The following GSE1 variants were observed in gnomAD, a reference collection of about 807,000 sequenced individuals.
The protein encoded by GSE1 is genetic suppressor element 1.
A neutral mutation model predicts 112.6 loss-of-function variants in GSE1; 32 were observed. That is an observed-to-expected ratio of 0.28 (90% CI 0.21 to 0.38). GSE1 has a LOEUF of 0.38. Ranked by LOEUF, GSE1 falls within the 10% of genes least tolerant of loss-of-function variation. The pLI is 1.00. For synonymous variants in GSE1, 1,115 were observed against 735.6 expected (o/e 1.52, Z -8.35); for missense variants, 2,348 against 1,699.2 (o/e 1.38, Z -6.71).
At chr16:85,633,092 C>T (rs1257662618) in intron 1 of GSE1, among the ~76,000 whole-genome samples, 2 of 152,180 alleles carry the variant, frequency 1.3e-5, no homozygotes, top group African/African-American at 4.8e-5. Context: ...CTGAACTTGG[C>T]CCTGGGAGGA....
At chr16:85,446,158 C>T (rs1176618494) in intron 2 of GSE1, among the ~76,000 whole-genome samples, 1 of 152,194 alleles carries the variant, frequency 6.6e-6, no homozygotes, top group Non-Finnish European at 1.5e-5. Flanking sequence ...AGGCAGGGAG[C>T]TGTTTGGCCT....
At chr16:85,558,410 C>A (rs570001298) in intron 1 of GSE1, among the ~76,000 whole-genome samples, 1 of 152,352 alleles carries the variant, frequency 6.6e-6, no homozygotes, top group South Asian at 2.1e-4. Context: ...AATCTACACC[C>A]CTCTTCACCT....
At chr16:85,361,102 C>T (rs902243640) in intron 2 of GSE1, among the ~76,000 whole-genome samples, 3 of 148,790 alleles carry the variant, frequency 2.0e-5, no homozygotes, top group Admixed American at 6.7e-5. Flanking sequence ...CAGACACACA[C>T]GGGCAGAGAC....
chr16:85,654,572 C>T (rs1210528638), intron 4 of GSE1, 122 bp downstream of exon 4: 12 of 894,214 alleles, frequency 1.3e-5, no homozygotes, highest in Admixed American at 7.3e-5. Flanking sequence ...TGGTTGTCGG[C>T]CGCTGAGCCC....
chr16:85,668,224 G>T lies in GSE1; in HGVS notation c.3215G>T (p.Ser1072Ile), dbSNP rs774870840. Residue 1072 changes from serine (S) to isoleucine (I), a missense_variant, in exon 14 of 16, where the codon AGC (serine) becomes ATC (isoleucine). Physicochemically the swap from Ser to Ile is moderately radical, Grantham distance 142. Coordinates refer to ENST00000253458, the MANE Select transcript of GSE1 (RefSeq NM_014615.5). ...AACATTCCTGAGCTGCAGTCCTCCA[G>T]CCGCGCCCCTCCACCCCAGCACAAT... The part of the protein sequence containing the change: ...HYNIPELQSS[S>I]RAPPPQHNGQ... The T allele has an allele frequency of 3.1e-6, 5 of 1,610,950 alleles. No individual in the cohort carries two copies. Among genetic ancestry groups the T allele is most frequent in the African/African-American group, 2.7e-5 (2 of 74,878 alleles).
intron 1 of GSE1, chr16:85,284,973 A>C (rs1016164622): frequency 6.6e-6 from 1 of 152,272 alleles, no homozygotes; most frequent in African/African-American, 2.4e-5. Context: ...GCCGCTTACA[A>C]ATAGCACTGT....
chr16:85,172,771 C>G (rs970090103), intron 1 of GSE1, among the ~76,000 whole-genome samples: 1 of 152,122 alleles, frequency 6.6e-6, no homozygotes, highest in African/African-American at 2.4e-5. Flanking sequence ...CTGTCGTGTT[C>G]AGAAAGGGTC....
chr16:85,204,351 C>G (rs189841077), intron 1 of GSE1, among the ~76,000 whole-genome samples: 1 of 152,244 alleles, frequency 6.6e-6, no homozygotes, highest in Non-Finnish European at 1.5e-5. Flanking sequence ...TATCCATCAT[C>G]AGCCCGTGGG....
chr16:85,354,413 T>C (rs1434640209), intron 1 of GSE1, among the ~76,000 whole-genome samples: 1 of 152,248 alleles, frequency 6.6e-6, no homozygotes, highest in African/African-American at 2.4e-5. Flanking sequence ...TGGCACATAG[T>C]AGGTGCTCAG....
intron 1 of GSE1, among the ~76,000 whole-genome samples, chr16:85,613,955 CGGGAGGGCGGGACCGCAGCCT>C (rs2048185162): frequency 6.6e-6 from 1 of 150,462 alleles, no homozygotes; most frequent in Non-Finnish European, 1.5e-5. Context: ...GGGAGTTGGT[CGGGAGGGCGGGACCGCAGCCT>C]GCCGGGTTTG....
At chr16:85,291,231 C>G (rs1044049936) in intron 1 of GSE1, among the ~76,000 whole-genome samples, 1 of 152,188 alleles carries the variant, frequency 6.6e-6, no homozygotes, top group Non-Finnish European at 1.5e-5. Flanking sequence ...GCTGAGGTCT[C>G]CTGATCACCT....
intron 2 of GSE1, among the ~76,000 whole-genome samples, chr16:85,474,774 C>T (rs769437366): frequency 1.6e-4 from 24 of 151,968 alleles, no homozygotes; most frequent in Non-Finnish European, 3.1e-4. Flanking sequence ...ACTGAGCCTC[C>T]AGGACCCCTG....
intron 2 of GSE1, among the ~76,000 whole-genome samples, chr16:85,377,012 C>T (rs549557183): frequency 6.6e-6 from 1 of 152,376 alleles, no homozygotes; most frequent in Non-Finnish European, 1.5e-5. Context: ...GTGACCCAGG[C>T]CTGCCTCCCA....
chr16:85,513,618 G>A, intron 2 of GSE1, among the ~76,000 whole-genome samples: 1 of 152,144 alleles, frequency 6.6e-6, no homozygotes, highest in Middle Eastern at 3.2e-3. Context: ...GGACTTGGGG[G>A]AATCTGCTGC....
At chr16:85,610,229 G>A (rs2047905652), upstream of GSE1, among the ~76,000 whole-genome samples, 1 of 152,226 alleles carries the variant, frequency 6.6e-6, no homozygotes, top group African/African-American at 2.4e-5. Flanking sequence ...CATCCCCAGG[G>A]CAGGTGTCCT....
chr16:85,471,685 A>G, intron 2 of GSE1, among the ~76,000 whole-genome samples: 1 of 151,922 alleles, frequency 6.6e-6, no homozygotes, highest in East Asian at 2.0e-4. Flanking sequence ...GATTACAGAC[A>G]TGAGCCACTG....
chr16:85,594,958 A>C (rs1166603808), intron 1 of GSE1: 1 of 153,236 alleles, frequency 6.5e-6, no homozygotes, highest in Non-Finnish European at 1.5e-5. Flanking sequence ...AGCCTTGGAA[A>C]GAAACCAGGG....
intron 2 of GSE1, among the ~76,000 whole-genome samples, chr16:85,426,764 A>AAAAAT (rs1255025891): frequency 6.6e-6 from 1 of 152,192 alleles, no homozygotes; most frequent in Non-Finnish European, 1.5e-5. Flanking sequence ...TGAACCACAG[A>AAAAAT]AAAATATCCT....
At chr16:85,599,365 C>T (rs1264688138) in intron 1 of GSE1, among the ~76,000 whole-genome samples, 1 of 152,224 alleles carries the variant, frequency 6.6e-6, no homozygotes, top group African/African-American at 2.4e-5. Context: ...GCGGCAGACA[C>T]CCCCTTAGAG....
Sources: allele counts gnomAD v4.1 joint callset (sites outside exome capture counted in the v4.1 genomes callset), GRCh38; gene constraint gnomAD v4.1.1; transcripts MANE v1.5; gene names NCBI Gene and HGNC (gene_info 2026-07-23, HGNC 2026-07-21).